The following STK33 variants were observed in gnomAD, a reference collection of about 807,000 sequenced individuals.
STK33 encodes the protein serine/threonine kinase 33.
In STK33, 52 loss-of-function variants were observed where a neutral mutation model predicts 58.0. The ratio of observed to expected loss-of-function variants is 0.90; its 90% CI spans 0.72 to 1.13. The LOEUF (loss-of-function observed/expected upper bound fraction) is 1.13, where lower values mean the gene tolerates loss of function less well. Among genes scored for constraint, STK33 ranks in the 50% most tolerant of loss-of-function variants. STK33 has a pLI of 0.00. For synonymous variants in STK33, 215 were observed against 200.1 expected, an observed-to-expected ratio of 1.07 and a Z score of -0.63; for missense variants, 630 against 604.2, an observed-to-expected ratio of 1.04 and a Z score of -0.45.
At chr11:8,568,462 TCAGA>T (rs1203693850) in intron 1 of STK33, among the ~76,000 whole-genome samples, 1 of 152,168 alleles carries the variant, frequency 6.6e-6, no homozygotes, top group East Asian at 1.9e-4. Context: ...CACAGTATGG[TCAGA>T]CAACTTCTAG....
In STK33 at chr11:8,553,201, GTATA is replaced by G. The variant is rs60137762; in HGVS notation, c.-466+40878_-466+40881del. On this transcript the variant is annotated intron_variant, in intron 1 of 15. Transcript: ENST00000687296. ...ATATATATATATATATATATATGGT[GTATA>G]TATATATATATATATATATGGTGTG... Among the ~76,000 whole-genome samples, 234 of 61,120 alleles carry G rather than the reference GTATA, an allele frequency of 3.8e-3. 5 individuals are homozygous for G. The highest frequency in any genetic ancestry group is 0.027 in the Admixed American group (135 of 4,972). 40.1% of individuals were successfully genotyped at this position (61,120 alleles called of 152,430 possible).
intron 1 of STK33, among the ~76,000 whole-genome samples, chr11:8,540,850 T>G (rs1404151959): frequency 1.3e-5 from 2 of 152,066 alleles, no homozygotes; most frequent in Non-Finnish European, 2.9e-5. Context: ...GTTAATCAAA[T>G]TGTATTATAT....
At chr11:8,515,909 G>A (rs1229020871) in intron 1 of STK33, among the ~76,000 whole-genome samples, 1 of 152,146 alleles carries the variant, frequency 6.6e-6, no homozygotes, top group African/African-American at 2.4e-5. Context: ...AAAACTGAAA[G>A]CTTTATAAGA....
At chr11:8,351,158 C>A in the STK33 span, among the ~76,000 whole-genome samples, 11 of 152,160 alleles carry the variant, frequency 7.2e-5, no homozygotes, top group African/African-American at 2.7e-4. Flanking sequence ...ACACCTCCCC[C>A]CGAAACCAAA....
the STK33 span, among the ~76,000 whole-genome samples, chr11:8,353,763 G>A: frequency 6.6e-6 from 1 of 152,148 alleles, no homozygotes; most frequent in Admixed American, 6.5e-5. Flanking sequence ...GAATTCTTCT[G>A]TCATTTTCAA....
intron 15 of STK33, among the ~76,000 whole-genome samples, chr11:8,398,285 G>T (rs187118663): frequency 1.3e-5 from 2 of 152,336 alleles, no homozygotes; most frequent in African/African-American, 4.8e-5. Context: ...CTACAAGCCA[G>T]AAGACAGTGG....
intron 14 of STK33, among the ~76,000 whole-genome samples, chr11:8,426,665 T>C (rs1286823506): frequency 6.6e-6 from 1 of 152,234 alleles, no homozygotes; most frequent in East Asian, 1.9e-4. Flanking sequence ...AATACTGACC[T>C]TGTCGATCTT....
At chr11:8,355,815 G>A in the STK33 span, among the ~76,000 whole-genome samples, 1 of 152,238 alleles carries the variant, frequency 6.6e-6, no homozygotes, top group East Asian at 1.9e-4. Context: ...TTAGACCAGT[G>A]CCTGGCATGT....
intron 1 of STK33, among the ~76,000 whole-genome samples, chr11:8,521,140 T>C (rs1953391266): frequency 6.6e-6 from 1 of 152,016 alleles, no homozygotes; most frequent in Non-Finnish European, 1.5e-5. Flanking sequence ...TTAAAGTTCA[T>C]ATGGAAACAA....
At chr11:8,359,972 G>C in the STK33 span, among the ~76,000 whole-genome samples, 3 of 152,240 alleles carry the variant, frequency 2.0e-5, no homozygotes, top group African/African-American at 7.2e-5. Context: ...GTGGTAGTAA[G>C]GACAGTTAGC....
At chr11:8,583,598 C>T (rs1211052246) in intron 1 of STK33, among the ~76,000 whole-genome samples, 1 of 151,916 alleles carries the variant, frequency 6.6e-6, no homozygotes, top group Non-Finnish European at 1.5e-5. Flanking sequence ...AGAAGTTAAC[C>T]CCCCTATATG....
At chr11:8,497,519 G>A (rs527804182) in intron 1 of STK33, among the ~76,000 whole-genome samples, 2 of 152,244 alleles carry the variant, frequency 1.3e-5, no homozygotes, top group East Asian at 3.9e-4. Context: ...ACCCAGGCTG[G>A]AGTGTAGTAG....
At chr11:8,539,513 T>A (rs553608751) in intron 1 of STK33, among the ~76,000 whole-genome samples, 3 of 152,290 alleles carry the variant, frequency 2.0e-5, no homozygotes, top group African/African-American at 7.2e-5. Flanking sequence ...ACAGGCTATG[T>A]CCTACAAACA....
Position 8,455,573 on chromosome 11 carries a change from C to G in STK33, c.698-741G>C, listed in dbSNP as rs964095585. Among the ~76,000 whole-genome samples the G allele has an allele frequency of 4.9e-4, 74 of 152,168 alleles. 1 individual carries two copies. The highest frequency in any genetic ancestry group is 2.1e-4 in the Non-Finnish European group (14 of 68,000). Reference sequence around the variant, plus strand: ...CCTATAATCCCAGCACTGTGGGAGGCTGAGGCGGGCGGATCATGAGGTCAG... The same window carrying G: ...CCTATAATCCCAGCACTGTGGGAGGGTGAGGCGGGCGGATCATGAGGTCAG... On this transcript the variant is annotated intron_variant, in intron 9 of 15. Coordinates refer to ENST00000687296, the MANE Select transcript of STK33 (RefSeq NM_001352389.2).
At chr11:8,448,768 C>T (rs920785136) in intron 11 of STK33, among the ~76,000 whole-genome samples, 21 of 152,062 alleles carry the variant, frequency 1.4e-4, no homozygotes, top group Admixed American at 7.9e-4. Context: ...GCAACAAAAG[C>T]CAAAATTGAC....
chr11:8,352,531 G>C, the STK33 span, among the ~76,000 whole-genome samples: 4 of 152,180 alleles, frequency 2.6e-5, no homozygotes, highest in African/African-American at 7.2e-5. Context: ...CAGGGGTGTC[G>C]ATCAGAATAT....
At chr11:8,396,623 G>A (rs34297209) in intron 15 of STK33, among the ~76,000 whole-genome samples, 33,996 of 152,140 alleles carry the variant, frequency 0.22, 4,125 homozygotes, top group South Asian at 0.36. Flanking sequence ...GTGTTGGACA[G>A]TGGGTGCAGC....
intron 1 of STK33, among the ~76,000 whole-genome samples, chr11:8,551,781 C>T (rs1466518846): frequency 6.6e-6 from 1 of 152,140 alleles, no homozygotes; most frequent in Non-Finnish European, 1.5e-5. Flanking sequence ...TAAATGGGCA[C>T]CAGAACTTAA....
chr11:8,346,086 G>A, the STK33 span, among the ~76,000 whole-genome samples: 233 of 152,338 alleles, frequency 1.5e-3, no homozygotes, highest in Non-Finnish European at 2.7e-3. Context: ...TTTTATCAAT[G>A]GACAATTCTC....
Sources: gnomAD v4.1 joint callset for allele counts (sites outside exome capture counted in the v4.1 genomes callset) on GRCh38, gnomAD v4.1.1 for gene constraint, MANE v1.5 for transcripts, NCBI Gene and HGNC (gene_info 2026-07-23, HGNC 2026-07-21) for gene names.